Variants in CSGALNACT1 observed in about 807,000 individuals in gnomAD.
The protein encoded by CSGALNACT1 is chondroitin sulfate N-acetylgalactosaminyltransferase 1.
A neutral mutation model predicts 51.0 loss-of-function variants in CSGALNACT1; 52 were observed. That is an observed-to-expected ratio of 1.02 (90% CI 0.82 to 1.29). CSGALNACT1 has a LOEUF of 1.29. CSGALNACT1 is among the 50% of genes most tolerant of loss of function. The pLI is 0.00. For missense variants in CSGALNACT1, 935 were observed against 679.2 expected (o/e 1.38, Z -4.19); for synonymous variants, 341 against 254.4 (o/e 1.34, Z -3.24).
chr8:19,553,040 C>T (rs1384945609), intron 3 of CSGALNACT1, among the ~76,000 whole-genome samples: 2 of 152,092 alleles, frequency 1.3e-5, no homozygotes, highest in East Asian at 1.9e-4. Context: ...TTTATGTTAT[C>T]GTTTTTGTTA....
chr8:19,506,173 C>G (rs749555266), intron 3 of CSGALNACT1, 43 bp from the exon 3 acceptor site: 1 of 515,012 alleles, frequency 1.9e-6, no homozygotes, highest in South Asian at 1.6e-5. Flanking sequence ...ATCAAGACAA[C>G]GACTCCCTCA....
chr8:19,686,999 T>C (rs776028232), upstream of CSGALNACT1, among the ~76,000 whole-genome samples: 1 of 152,192 alleles, frequency 6.6e-6, no homozygotes. Context: ...TAGATGCCCA[T>C]ATGCTAGGAA....
intron 3 of CSGALNACT1, among the ~76,000 whole-genome samples, chr8:19,513,102 A>G (rs1186135861): frequency 6.6e-6 from 1 of 152,030 alleles, no homozygotes; most frequent in Non-Finnish European, 1.5e-5. Context: ...CCATGTCAAC[A>G]TGCTTCCTGT....
At position 19,548,512 on chromosome 8, in the gene CSGALNACT1, T is replaced by C. The variant is rs192150694; in HGVS notation, c.-296-42382A>G. Among the ~76,000 whole-genome samples, 82 of 152,326 alleles carry C rather than the reference T, an allele frequency of 5.4e-4. 5 individuals carry two copies. The South Asian group carries it at 0.017, about 32-fold the overall frequency. Reference sequence around the variant, plus strand: ...TATTCACATGAAACTAAACAATAGATTACTTTTCAATATATTCCAAAAACT... The same window carrying C: ...TATTCACATGAAACTAAACAATAGACTACTTTTCAATATATTCCAAAAACT... On this transcript the variant is annotated intron_variant, in intron 3 of 9. Coordinates refer to ENST00000454498, the Ensembl canonical transcript of CSGALNACT1.
upstream of CSGALNACT1, among the ~76,000 whole-genome samples, chr8:19,684,225 G>T (rs1009989202): frequency 1.3e-5 from 2 of 152,008 alleles, no homozygotes; most frequent in African/African-American, 2.4e-5. Context: ...CAGACAGGCA[G>T]ATCAATGCAA....
intron 3 of CSGALNACT1, among the ~76,000 whole-genome samples, chr8:19,582,725 A>C (rs7840477): frequency 6.6e-6 from 1 of 152,176 alleles, no homozygotes; most frequent in East Asian, 1.9e-4. Flanking sequence ...CTAAAAAGGA[A>C]GCCACCATAA....
intron 1 of CSGALNACT1, among the ~76,000 whole-genome samples, chr8:19,620,352 G>T: frequency 6.8e-6 from 1 of 146,760 alleles, no homozygotes. Context: ...GCGAAATACT[G>T]TGTCTGACCT....
At chr8:19,516,426 C>T (rs942293748) in intron 3 of CSGALNACT1, among the ~76,000 whole-genome samples, 1 of 152,078 alleles carries the variant, frequency 6.6e-6, no homozygotes, top group African/African-American at 2.4e-5. Flanking sequence ...CTACACCCAG[C>T]GTGTCCAATT....
chr8:19,570,527 A>G (rs1374372976), intron 3 of CSGALNACT1, among the ~76,000 whole-genome samples: 1 of 152,130 alleles, frequency 6.6e-6, no homozygotes, highest in Non-Finnish European at 1.5e-5. Context: ...GACAGAAAGG[A>G]GTGGTACCTC....
At chr8:19,474,072 G>T (rs1419701215) in intron 4 of CSGALNACT1, among the ~76,000 whole-genome samples, 1 of 152,092 alleles carries the variant, frequency 6.6e-6, no homozygotes, top group Non-Finnish European at 1.5e-5. Context: ...TAGTAAAAAA[G>T]AACTAGCCAT....
At chr8:19,486,084 G>C (rs1484314171) in intron 4 of CSGALNACT1, among the ~76,000 whole-genome samples, 1 of 149,920 alleles carries the variant, frequency 6.7e-6, no homozygotes, top group African/African-American at 2.5e-5. Flanking sequence ...AGGGTTTTAA[G>C]AAAAATATGT....
intron 1 of CSGALNACT1, among the ~76,000 whole-genome samples, chr8:19,729,713 G>C (rs555912519): frequency 2.0e-5 from 3 of 152,288 alleles, no homozygotes; most frequent in East Asian, 1.9e-4. Context: ...TGGAGAACAT[G>C]CTACGAATGC....
intron 4 of CSGALNACT1, among the ~76,000 whole-genome samples, chr8:19,474,634 C>T (rs899602687): frequency 5.3e-5 from 8 of 151,698 alleles, no homozygotes; most frequent in South Asian, 2.1e-4. Context: ...TTGGGAGGCC[C>T]GAGGTGGGTG....
intron 3 of CSGALNACT1, among the ~76,000 whole-genome samples, chr8:19,524,766 A>G (rs1462205088): frequency 2.6e-5 from 4 of 152,174 alleles, no homozygotes; most frequent in African/African-American, 7.2e-5. Context: ...TGATTGCCTA[A>G]GCCCCCAAGA....
intron 1 of CSGALNACT1, among the ~76,000 whole-genome samples, chr8:19,662,845 C>A (rs2154191794): frequency 6.6e-6 from 1 of 152,288 alleles, no homozygotes; most frequent in African/African-American, 2.4e-5. Context: ...CTGTCCTATT[C>A]TCCCCCCATT....
intron 3 of CSGALNACT1, among the ~76,000 whole-genome samples, chr8:19,565,339 C>G (rs1191396565): frequency 6.6e-6 from 1 of 152,182 alleles, no homozygotes; most frequent in Non-Finnish European, 1.5e-5. Context: ...CTGGCATAAA[C>G]TGTCACCTCT....
chr8:19,560,910 A>T (rs1158429909), intron 3 of CSGALNACT1, among the ~76,000 whole-genome samples: 1 of 152,238 alleles, frequency 6.6e-6, no homozygotes. Context: ...AGGTGGATAA[A>T]CACACTCATA....
At chr8:19,579,977 T>C (rs1025342027) in intron 3 of CSGALNACT1, among the ~76,000 whole-genome samples, 1 of 152,214 alleles carries the variant, frequency 6.6e-6, no homozygotes, top group East Asian at 1.9e-4. Context: ...CTGTTTGCTG[T>C]TTGCAGACTT....
chr8:19,454,980 T>A (rs114466863), intron 5 of CSGALNACT1, among the ~76,000 whole-genome samples: 1,586 of 152,328 alleles, frequency 0.01, 25 homozygotes, highest in African/African-American at 0.036. Context: ...TAAGTAGAAA[T>A]AGAATGTATA....
Sources: gnomAD v4.1 joint callset for allele counts (sites outside exome capture counted in the v4.1 genomes callset) on GRCh38, gnomAD v4.1.1 for gene constraint, MANE v1.5 for transcripts, NCBI Gene and HGNC (gene_info 2026-07-23, HGNC 2026-07-21) for gene names.